Variants in DNAH3 observed in about 807,000 individuals in gnomAD.
The protein encoded by DNAH3 is dynein axonemal heavy chain 3, also known as axonemal beta dynein heavy chain 3.
Under a neutral mutation model 432.5 loss-of-function variants are expected in DNAH3, and 332 were observed. The ratio of observed to expected loss-of-function variants is 0.77; its 90% confidence interval spans 0.70 to 0.84. The LOEUF is 0.84. Among genes scored for constraint, DNAH3 ranks in the 40% least tolerant of loss-of-function variants. DNAH3 has a pLI of 0.00. For synonymous variants in DNAH3, 1,956 were observed against 1,900.2 expected (o/e 1.03, Z -0.76); for missense variants, 4,861 against 5,114.0 (o/e 0.95, Z 1.51).
At chr16:21,070,253 G>C (rs2090731442) in intron 22 of DNAH3, among the ~76,000 whole-genome samples, 2 of 152,122 alleles carry the variant, frequency 1.3e-5, no homozygotes, top group Admixed American at 1.3e-4. Context: ...GATGGTTATT[G>C]CTTTCAGCCT....
At chr16:21,123,835 GC>G (rs1020546368) in intron 9 of DNAH3, among the ~76,000 whole-genome samples, 19 of 151,820 alleles carry the variant, frequency 1.3e-4, no homozygotes, top group African/African-American at 4.4e-4. Flanking sequence ...TGTCACCCAG[GC>G]TGGAGCCAGG....
At chr16:21,000,076 A>G (rs2086944124) in intron 43 of DNAH3, 148 bp downstream of exon 43, 1 of 723,670 alleles carries the variant, frequency 1.4e-6, no homozygotes, top group Non-Finnish European at 2.1e-6. Context: ...AAGAGGAGAG[A>G]ATGAATACTA....
chr16:21,086,786 C>T, intron 19 of DNAH3, 63 bp downstream of exon 19: 1 of 1,462,908 alleles, frequency 6.8e-7, no homozygotes, highest in African/African-American at 1.4e-5. Flanking sequence ...CCTGCCTTCC[C>T]AAGGACAGTC....
chr16:20,958,130 T>C (rs1191251026), intron 54 of DNAH3, among the ~76,000 whole-genome samples: 1 of 150,640 alleles, frequency 6.6e-6, no homozygotes, highest in Non-Finnish European at 1.5e-5. Context: ...TGGAGTGCAG[T>C]GGTGTGATCA....
rs754542374 is a variant in DNAH3, at chr16:21,140,565, C to A, written c.667G>T (p.Glu223Ter). 10 of 1,613,918 alleles carry A rather than the reference C, an allele frequency of 6.2e-6. No individual in the cohort carries two copies. In the East Asian group the frequency reaches 2.0e-4, roughly 32 times the overall value. Residue 223 changes from glutamate (E) to a stop codon, truncating the protein, a stop_gained, in exon 5 of 62, where the codon GAA becomes TAA. Coordinates refer to ENST00000261383, the Ensembl canonical transcript of DNAH3. LOFTEE classifies it high-confidence loss of function. ...AGGTCCGATTCAGATGGCTTCTTTTCTTTACTTTCCATTTCCATCTCCTGC... is the reference window on the plus strand; with the variant it reads ...AGGTCCGATTCAGATGGCTTCTTTTATTTACTTTCCATTTCCATCTCCTGC...
intron 40 of DNAH3, among the ~76,000 whole-genome samples, chr16:21,020,395 ATATTTTTTT>A (rs1250054415): frequency 7.1e-5 from 2 of 28,204 alleles, no homozygotes; most frequent in African/African-American, 3.0e-4. Flanking sequence ...ATATATATAT[ATATTTTTTT>A]TTTTTTTTTT....
At chr16:20,985,178 C>CGAT in exon 48 of DNAH3, 1 of 1,614,186 alleles carries the variant, frequency 6.2e-7, no homozygotes, top group Non-Finnish European at 8.5e-7. Context: ...TCAGCCTTCT[C>CGAT]GTCAGCAGGG....
intron 24 of DNAH3, among the ~76,000 whole-genome samples, chr16:21,064,372 G>T (rs538487975): frequency 9.9e-5 from 15 of 152,278 alleles, no homozygotes; most frequent in African/African-American, 2.9e-4. Context: ...CCCCAGTGAG[G>T]CCAGAAGAAC....
At chr16:21,086,418 T>A (rs551831425) in intron 19 of DNAH3, among the ~76,000 whole-genome samples, 1 of 152,300 alleles carries the variant, frequency 6.6e-6, no homozygotes, top group South Asian at 2.1e-4. Flanking sequence ...TAAGTGGGAA[T>A]CATCTGGTAT....
intron 28 of DNAH3, among the ~76,000 whole-genome samples, chr16:21,052,975 A>G (rs2090009168): frequency 6.6e-6 from 1 of 152,180 alleles, no homozygotes; most frequent in Non-Finnish European, 1.5e-5. Flanking sequence ...ATGGGAACGT[A>G]AGCCCTGATT....
intron 6 of DNAH3, among the ~76,000 whole-genome samples, chr16:21,134,730 G>A (rs781084490): frequency 3.3e-5 from 5 of 151,894 alleles, no homozygotes; most frequent in South Asian, 2.1e-4. Flanking sequence ...GCCCAGGCTC[G>A]ATTGCAATGG....
intron 38 of DNAH3, among the ~76,000 whole-genome samples, chr16:21,025,921 T>G (rs1174287102): frequency 6.6e-6 from 1 of 151,972 alleles, no homozygotes; most frequent in Non-Finnish European, 1.5e-5. Context: ...TTTTCTGTAG[T>G]AGAAATGAGG....
chr16:21,066,221 C>T (rs2090544043), intron 24 of DNAH3, among the ~76,000 whole-genome samples: 1 of 151,602 alleles, frequency 6.6e-6, no homozygotes, highest in Non-Finnish European at 1.5e-5. Flanking sequence ...TAAAGAAACG[C>T]TAAAATTTAT....
intron 24 of DNAH3, among the ~76,000 whole-genome samples, chr16:21,066,915 C>T (rs1409907109): frequency 1.3e-5 from 2 of 152,120 alleles, no homozygotes; most frequent in Non-Finnish European, 1.5e-5. Flanking sequence ...CGGTGGAGAA[C>T]CTGAGGCTTG....
At chr16:21,023,661 T>C (rs2088370120) in intron 39 of DNAH3, among the ~76,000 whole-genome samples, 1 of 151,960 alleles carries the variant, frequency 6.6e-6, no homozygotes, top group Non-Finnish European at 1.5e-5. Flanking sequence ...GGAAATGAGA[T>C]TGCAGAGGCA....
chr16:21,134,591 C>G (rs1377009504), intron 6 of DNAH3, 137 bp from the exon 8 acceptor site: 1 of 676,222 alleles, frequency 1.5e-6, no homozygotes, highest in East Asian at 3.0e-5. Flanking sequence ...CTCCTGGGCT[C>G]AAGTGATCCT....
chr16:20,937,843 C>G (rs1019092607), intron 59 of DNAH3, among the ~76,000 whole-genome samples: 3 of 151,960 alleles, frequency 2.0e-5, no homozygotes, highest in Non-Finnish European at 4.4e-5. Context: ...TTTTTATCGA[C>G]TATAAGGTGC....
intron 5 of DNAH3, among the ~76,000 whole-genome samples, chr16:21,138,825 A>C (rs1351978615): frequency 6.8e-6 from 1 of 148,132 alleles, no homozygotes. Context: ...AAAAAAAAAC[A>C]ACACAGAGAC....
chr16:21,050,698 C>A (rs966939360), intron 29 of DNAH3, among the ~76,000 whole-genome samples: 1 of 152,220 alleles, frequency 6.6e-6, no homozygotes, highest in African/African-American at 2.4e-5. Context: ...CCCACCTTGG[C>A]CTTCCAAAGT....
Sources: allele counts gnomAD v4.1 joint callset (sites outside exome capture counted in the v4.1 genomes callset), GRCh38; gene constraint gnomAD v4.1.1; transcripts MANE v1.5; gene names NCBI Gene and HGNC (gene_info 2026-07-23, HGNC 2026-07-21).